Variants in SLC25A15 observed in about 807,000 individuals in gnomAD.
The protein encoded by SLC25A15 is mitochondrial ornithine transporter 1.
Under a neutral mutation model 32.3 loss-of-function variants are expected in SLC25A15, and 24 were observed. The ratio of observed to expected loss-of-function variants is 0.74; its 90% CI spans 0.54 to 1.04. The LOEUF is 1.04. Among genes scored for constraint, SLC25A15 ranks in the 50% least tolerant of loss-of-function variants. The pLI is 0.00. For missense variants in SLC25A15, 317 were observed against 374.5 expected, an observed-to-expected ratio of 0.85 and a Z score of 1.27; for synonymous variants, 132 against 142.1, an observed-to-expected ratio of 0.93 and a Z score of 0.51.
chr13:40,792,332 G>A (rs1265817485), intron 1 of SLC25A15, among the ~76,000 whole-genome samples: 1 of 152,172 alleles, frequency 6.6e-6, no homozygotes, highest in African/African-American at 2.4e-5. Context: ...GGCACTGTCC[G>A]CCTCACTTGG....
At chr13:40,792,266 G>A (rs569093352) in intron 1 of SLC25A15, among the ~76,000 whole-genome samples, 2 of 152,334 alleles carry the variant, frequency 1.3e-5, no homozygotes, top group African/African-American at 2.4e-5. Flanking sequence ...AGGTTATCAA[G>A]TGGATTTGGA....
chr13:40,808,219 C>T (rs1247433844), intron 5 of SLC25A15, among the ~76,000 whole-genome samples: 1 of 152,234 alleles, frequency 6.6e-6, no homozygotes, highest in Admixed American at 6.5e-5. Context: ...GCTTCTTGTA[C>T]TTGGCAAGAC....
In SLC25A15 at chr13:40,799,174, T is replaced by C. The variant is rs1881780968; in HGVS notation, c.173T>C (p.Val58Ala). Residue 58 changes from valine to alanine, a missense_variant, in exon 3 of 7, where the codon GTG becomes GCG. Physicochemically the swap from Val to Ala is moderately conservative, Grantham distance 64. Coordinates refer to ENST00000338625, the MANE Select transcript of SLC25A15 (RefSeq NM_014252.4). ...TDCCLKTYSQ[V>A]GFRGFYKGTS... ...TGCTGCCTGAAGACTTACTCCCAGG[T>C]GGGCTTCCGTGGCTTCTACAAGGGT... 3.1e-6 allele frequency: 5 copies of C among 1,614,050 alleles called. No homozygotes were observed. The highest frequency in any genetic ancestry group is 1.7e-5 in the Admixed American group (1 of 60,002).
rs1387000242 is a variant in SLC25A15, at chr13:40,809,947, A to C, written c.*280A>C. 2.3e-6 allele frequency: 1 copy of C among 437,884 alleles called. No individual in the cohort carries two copies. Among genetic ancestry groups the C allele is most frequent in the African/African-American group, 2.0e-5 (1 of 49,850 alleles). 27.1% of individuals were successfully genotyped at this position (437,884 alleles called of 1,614,324 possible). A position where few individuals can be genotyped will look rare whatever the true frequency, so the allele number is the denominator to read the frequency against. ...TTATGCACCTAATTCAAAAGGTGGAATATAGTTCTGTCAGGGCTTTTACGT... is the reference window on the plus strand; with the variant it reads ...TTATGCACCTAATTCAAAAGGTGGACTATAGTTCTGTCAGGGCTTTTACGT... On this transcript the variant is annotated 3_prime_UTR_variant, in exon 7 of 7. Transcript: ENST00000338625.
intron 3 of SLC25A15, 46 bp downstream of exon 3, chr13:40,799,361 AC>A: frequency 6.2e-7 from 1 of 1,613,070 alleles, no homozygotes; most frequent in Non-Finnish European, 8.5e-7. Context: ...AAAAAACCCC[AC>A]AAAACTGGCA....
rs1357258541 is a variant in SLC25A15, at chr13:40,809,676, G to C, written c.*9G>C. On this transcript the variant is annotated 3_prime_UTR_variant, in exon 7 of 7. Coordinates refer to ENST00000338625, the MANE Select transcript of SLC25A15 (RefSeq NM_014252.4). ...AGTTGGAAGCATACTGAAGTGTCTT[G>C]GTGGGCCTGAGCCAAGCACAGGTGT... 6.2e-7 allele frequency: 1 copy of C among 1,613,028 alleles called. No individual in the cohort carries two copies. The highest frequency in any genetic ancestry group is 1.1e-5 in the South Asian group (1 of 91,028).
In SLC25A15 at chr13:40,810,682, T is replaced by G; in HGVS notation, c.*1015T>G. ...TCCACGCTGACTATATTGCTAGGGG[T>G]GGCCCAGAGGGTCAGGCCTTTGGGA... On this transcript the variant is annotated 3_prime_UTR_variant, in exon 7 of 7. Transcript: ENST00000338625. The G allele has an allele frequency of 1.9e-6, 1 of 519,934 alleles. No individual in the cohort carries two copies. Among genetic ancestry groups the G allele is most frequent in the Non-Finnish European group, 3.9e-6 (1 of 254,894 alleles). 32.2% of individuals were successfully genotyped at this position (519,934 alleles called of 1,614,324 possible).
intron 4 of SLC25A15, among the ~76,000 whole-genome samples, chr13:40,806,422 G>T (rs983637902): frequency 6.6e-6 from 1 of 152,194 alleles, no homozygotes; most frequent in Non-Finnish European, 1.5e-5. Flanking sequence ...TGTATTTGAG[G>T]TCTAGCAGTG....
Position 40,808,469 on chromosome 13 carries a change from T to C in SLC25A15, c.654T>C (p.Val218=). ...TACCTTTGATGTTAAGTGGTGGAGTTGGTGGGATTTGCCTCTGGCTTGCGG... is the reference window on the plus strand; with the variant it reads ...TACCTTTGATGTTAAGTGGTGGAGTCGGTGGGATTTGCCTCTGGCTTGCGG... ...GPVPLMLSGG[V]GGICLWLAVY... The change falls in exon 6 of 7, where the codon GTT becomes GTC. Residue 218 remains valine (V), a synonymous_variant. Transcript: ENST00000338625. 6.2e-7 allele frequency: 1 copy of C among 1,613,704 alleles called. No individual in the cohort carries two copies. The highest frequency in any genetic ancestry group is 2.2e-5 in the East Asian group (1 of 44,884).
At chr13:40,799,665 C>T (rs1433132779) in intron 3 of SLC25A15, among the ~76,000 whole-genome samples, 1 of 152,210 alleles carries the variant, frequency 6.6e-6, no homozygotes, top group African/African-American at 2.4e-5. Flanking sequence ...GAGACCTGCT[C>T]ATCATCCACC....
chr13:40,798,987 C>T, intron 2 of SLC25A15, 70 bp from the exon 3 acceptor site: 8 of 1,613,324 alleles, frequency 5.0e-6, no homozygotes, highest in Non-Finnish European at 6.8e-6. Context: ...GGGTAGGCTG[C>T]CTGTGCCTTC....
At chr13:40,807,906 T>C (rs1882259753) in intron 5 of SLC25A15, among the ~76,000 whole-genome samples, 1 of 152,218 alleles carries the variant, frequency 6.6e-6, no homozygotes, top group Non-Finnish European at 1.5e-5. Flanking sequence ...CATGCAATGT[T>C]TGGCTCACAT....
At position 40,789,617 on chromosome 13, in the gene SLC25A15, G is replaced by A. The variant is rs1438996334; in HGVS notation, c.-116G>A. On this transcript the variant is annotated 5_prime_UTR_variant, in exon 1 of 7. Transcript: ENST00000338625. ...GCCCCAGCCGGCGACCCGGAGCCGAGAGCGGGCGGCGGAGCCTGAGCTGGA... is the reference window on the plus strand; with the variant it reads ...GCCCCAGCCGGCGACCCGGAGCCGAAAGCGGGCGGCGGAGCCTGAGCTGGA... The A allele has an allele frequency of 1.3e-5, 2 of 150,904 alleles. No individual in the cohort carries two copies. Among genetic ancestry groups the A allele is most frequent in the African/African-American group, 2.4e-5 (1 of 41,328 alleles). The allele number at this position is 150,904 out of a possible 1,614,324, so 9.3% of individuals were successfully genotyped here.
rs1882244751 is a variant in SLC25A15 at position 40,807,547 on chromosome 13, G to A, written c.622+84G>A. On this transcript the variant is annotated intron_variant, in intron 5 of 6. Coordinates refer to ENST00000338625, the MANE Select transcript of SLC25A15 (RefSeq NM_014252.4). ...GGTTTCTGTGGATTCTCTGCCCTTTGTGCTCTCCTCCCCACATTGGTGGCT... is the reference window on the plus strand; with the variant it reads ...GGTTTCTGTGGATTCTCTGCCCTTTATGCTCTCCTCCCCACATTGGTGGCT... 7.6e-6 allele frequency: 11 copies of A among 1,448,202 alleles called. No individual in the cohort carries two copies. In the Admixed American group the frequency reaches 1.7e-4, roughly 22 times the overall value. 89.7% of individuals were successfully genotyped at this position (1,448,202 alleles called of 1,614,324 possible).
chr13:40,800,432 G>A (rs1881834514), intron 3 of SLC25A15, among the ~76,000 whole-genome samples: 1 of 152,198 alleles, frequency 6.6e-6, no homozygotes, highest in Admixed American at 6.5e-5. Flanking sequence ...GGCATGCCAT[G>A]ATGGAGACTG....
chr13:40,798,700 T>C, intron 2 of SLC25A15: 1 of 909,874 alleles, frequency 1.1e-6, no homozygotes, highest in Non-Finnish European at 1.3e-6. Context: ...GTGGCATGGA[T>C]GAGGAGCTGA....
At chr13:40,803,747 C>T (rs1352123525) in intron 3 of SLC25A15, among the ~76,000 whole-genome samples, 1 of 152,198 alleles carries the variant, frequency 6.6e-6, no homozygotes, top group African/African-American at 2.4e-5. Context: ...ACCAGTTGAA[C>T]TGGAAAATCT....
At chr13:40,805,909 C>G (rs1174582484) in intron 4 of SLC25A15, among the ~76,000 whole-genome samples, 1 of 152,184 alleles carries the variant, frequency 6.6e-6, no homozygotes, top group Non-Finnish European at 1.5e-5. Context: ...AATTTATTAT[C>G]CTTATTAATT....
intron 6 of SLC25A15, 126 bp downstream of exon 6, chr13:40,808,722 A>G (rs1882303337): frequency 1.1e-5 from 8 of 728,984 alleles, no homozygotes; most frequent in South Asian, 1.1e-4. Flanking sequence ...TCATGAGGTC[A>G]GGAGATCGAG....
Sources: gnomAD v4.1 joint callset for allele counts (sites outside exome capture counted in the v4.1 genomes callset) on GRCh38, gnomAD v4.1.1 for gene constraint, MANE v1.5 for transcripts, NCBI Gene and HGNC (gene_info 2026-07-23, HGNC 2026-07-21) for gene names.